The following MED27 variants were observed in gnomAD, a reference collection of about 807,000 sequenced individuals.
MED27 encodes mediator of RNA polymerase II transcription subunit 27.
MED27 carries 30 observed loss-of-function variants against 38.2 expected under a neutral mutation model. The observed-to-expected ratio is 0.79, with a 90% CI of 0.59 to 1.07. The LOEUF is 1.07. Ranked by LOEUF, MED27 falls within the 50% of genes least tolerant of loss-of-function variation. MED27 has a pLI of 0.00. For missense variants in MED27, 289 were observed against 397.5 expected (o/e 0.73, Z 2.32); for synonymous variants, 122 against 153.5 (o/e 0.79, Z 1.52).
At chr9:131,912,061 C>T (rs1830199370) in intron 4 of MED27, among the ~76,000 whole-genome samples, 1 of 152,148 alleles carries the variant, frequency 6.6e-6, no homozygotes, top group African/African-American at 2.4e-5. Context: ...AAGCCTACCA[C>T]CCCGAGGAAC....
rs113375037 is a variant in MED27 at position 131,929,062 on chromosome 9, G to A, written c.573+10319C>T. On this transcript the variant is annotated intron_variant, in intron 4 of 7. Coordinates refer to ENST00000292035, the MANE Select transcript of MED27 (RefSeq NM_004269.4). ...CAACAGGATAGGGCACCAGGCAGTC[G>A]TGAGGCACCCATTCTAGGCCCTAGC... is the stretch of plus-strand genomic sequence containing the variant. Among the ~76,000 whole-genome samples, 520 of 152,318 alleles carry A rather than the reference G, an allele frequency of 3.4e-3. 1 individual carries two copies. Among genetic ancestry groups the A allele is most frequent in the Non-Finnish European group, 5.5e-3 (371 of 68,032 alleles).
intron 4 of MED27, among the ~76,000 whole-genome samples, chr9:131,922,676 T>A (rs1830416781): frequency 1.3e-5 from 2 of 152,076 alleles, no homozygotes. Context: ...TTAGGGTACA[T>A]GTGCACAATG....
intron 4 of MED27, among the ~76,000 whole-genome samples, chr9:131,919,120 G>A (rs997221970): frequency 6.6e-6 from 1 of 152,188 alleles, no homozygotes; most frequent in African/African-American, 2.4e-5. Context: ...GGAGAAGGAG[G>A]ATGGGGAACT....
At chr9:132,073,293 A>G in intron 2 of MED27, 1 of 981,768 alleles carries the variant, frequency 1.0e-6, no homozygotes, top group Non-Finnish European at 1.2e-6. Context: ...ACTGTACTTC[A>G]TCAAAAATAC....
chr9:131,960,669 T>C (rs10122150), intron 3 of MED27, among the ~76,000 whole-genome samples: 40,112 of 152,058 alleles, frequency 0.26, 5,550 homozygotes, highest in East Asian at 0.38. Flanking sequence ...AGTACCAACA[T>C]GAATAATAAT....
intron 2 of MED27, among the ~76,000 whole-genome samples, chr9:132,076,271 T>G (rs1176555782): frequency 6.6e-6 from 1 of 152,094 alleles, no homozygotes; most frequent in Non-Finnish European, 1.5e-5. Flanking sequence ...CATGCTTTTT[T>G]TTTTGGCTAA....
chr9:131,989,264 C>A (rs1274953850), intron 3 of MED27, among the ~76,000 whole-genome samples: 1 of 152,152 alleles, frequency 6.6e-6, no homozygotes, highest in East Asian at 1.9e-4. Context: ...TTGAAAGGAT[C>A]CCACTATTCA....
At chr9:132,040,731 G>A (rs146902916) in intron 2 of MED27, among the ~76,000 whole-genome samples, 15 of 152,316 alleles carry the variant, frequency 9.8e-5, no homozygotes, top group Non-Finnish European at 1.5e-4. Context: ...CTCTGTTTCT[G>A]CCGGTACGCC....
intron 2 of MED27, among the ~76,000 whole-genome samples, chr9:132,069,175 A>G (rs1833875072): frequency 6.6e-6 from 1 of 152,212 alleles, no homozygotes; most frequent in African/African-American, 2.4e-5. Flanking sequence ...GGCTGATGGA[A>G]GAGAGTCAAG....
chr9:131,895,507 T>C (rs1829816052), intron 4 of MED27, among the ~76,000 whole-genome samples: 1 of 152,216 alleles, frequency 6.6e-6, no homozygotes, highest in South Asian at 2.1e-4. Flanking sequence ...AACCTTCCTC[T>C]TTCCTTGATT....
At chr9:132,075,103 A>T (rs1834015881) in intron 2 of MED27, among the ~76,000 whole-genome samples, 1 of 152,250 alleles carries the variant, frequency 6.6e-6, no homozygotes, top group African/African-American at 2.4e-5. Context: ...AGTTTCATGA[A>T]TAAAATATAA....
intron 3 of MED27, among the ~76,000 whole-genome samples, chr9:132,013,485 C>G (rs997957943): frequency 6.6e-6 from 1 of 152,178 alleles, no homozygotes; most frequent in African/African-American, 2.4e-5. Context: ...GGTGGCTACA[C>G]GGATGTACAT....
At chr9:131,957,857 T>C (rs570234896) in intron 3 of MED27, among the ~76,000 whole-genome samples, 92 of 150,366 alleles carry the variant, frequency 6.1e-4, no homozygotes, top group Middle Eastern at 3.5e-3. Context: ...GGTGGGAGGA[T>C]TGCTTGAGCC....
Position 131,950,842 on chromosome 9 carries a change from G to A in MED27, c.480-11368C>T, listed in dbSNP as rs543243785. ...CATACTCAATAAACATGTGGTGAAC[G>A]GGACTGATTTAAGTAGACTGAATCA... On this transcript the variant is annotated intron_variant, in intron 3 of 7. Transcript: ENST00000292035. Among the ~76,000 whole-genome samples, 22 of 152,278 alleles carry A rather than the reference G, an allele frequency of 1.4e-4. No homozygotes were observed. In the South Asian group the frequency reaches 3.5e-3, roughly 24 times the overall value.
intron 2 of MED27, among the ~76,000 whole-genome samples, chr9:132,076,652 A>G (rs1834054740): frequency 6.6e-6 from 1 of 152,200 alleles, no homozygotes; most frequent in African/African-American, 2.4e-5. Context: ...GAGGCAGCAC[A>G]GTATAATAAA....
intron 3 of MED27, among the ~76,000 whole-genome samples, chr9:131,970,080 G>T (rs570081872): frequency 6.6e-6 from 1 of 152,192 alleles, no homozygotes; most frequent in Non-Finnish European, 1.5e-5. Context: ...GCCCTGCAGC[G>T]GGAGCCTTGA....
intron 4 of MED27, among the ~76,000 whole-genome samples, chr9:131,916,713 A>T (rs1462755389): frequency 2.0e-5 from 3 of 152,142 alleles, no homozygotes; most frequent in Non-Finnish European, 4.4e-5. Flanking sequence ...AACACAACAG[A>T]TGTTAATAGG....
intron 2 of MED27, among the ~76,000 whole-genome samples, chr9:132,034,949 A>G (rs1328902129): frequency 6.6e-6 from 1 of 152,234 alleles, no homozygotes; most frequent in East Asian, 1.9e-4. Flanking sequence ...TCACCGGACC[A>G]TACATATGTA....
At position 131,860,534 on chromosome 9, in the gene MED27, G is replaced by C. The variant is rs1268018013; in HGVS notation, c.*4C>G. The C allele has an allele frequency of 3.9e-6, 6 of 1,520,200 alleles. No homozygotes were observed. Among genetic ancestry groups the C allele is most frequent in the Non-Finnish European group, 4.4e-6 (5 of 1,133,808 alleles). The allele number at this position is 1,520,200 out of a possible 1,614,324, so 94.2% of individuals were successfully genotyped here. The stretch of plus-strand genomic sequence containing the variant: ...GGGGTCTGAGGCTGGGGCCAGCGTG[G>C]GGGCTACTGCCGGCAGGTGTCATGG... On this transcript the variant is annotated 3_prime_UTR_variant, in exon 8 of 8. Transcript: ENST00000292035. This position sits in a 1 kb window ranked among gnomAD's most constrained non-coding sequence, Gnocchi z 5.8.
Sources: allele counts gnomAD v4.1 joint callset (sites outside exome capture counted in the v4.1 genomes callset), GRCh38; gene constraint gnomAD v4.1.1; non-coding constraint Gnocchi (gnomAD v3.1); transcripts MANE v1.5; gene names NCBI Gene and HGNC (gene_info 2026-07-23, HGNC 2026-07-21).